The following NEO1 variants were observed in gnomAD, a reference collection of about 807,000 sequenced individuals.
NEO1 encodes the protein neogenin 1.
NEO1 carries 63 observed loss-of-function variants against 159.7 expected under a neutral mutation model. That is an observed-to-expected ratio of 0.39 (90% confidence interval 0.32 to 0.49). The LOEUF (loss-of-function observed/expected upper bound fraction) is 0.49. Ranked by LOEUF, NEO1 falls within the 20% of genes least tolerant of loss-of-function variation. The pLI is 0.85. For synonymous variants in NEO1, 633 were observed against 662.0 expected (o/e 0.96, Z 0.67); for missense variants, 1,615 against 1,831.0 (o/e 0.88, Z 2.15).
rs774670599 is a variant in NEO1 at position 73,254,793 on chromosome 15, T to C, written c.2056T>C (p.Leu686=). ...CCGAAAGAGTGATGTCACTGAGACC[T>C]TGGTAAGCGGGACACAGCTGTCTCA... ...ASRKSDVTET[L]VSGTQLSQLI... is the part of the protein sequence containing the mutation. Residue 686 remains leucine, a synonymous_variant, in exon 13 of 29, where the codon TTG becomes CTG. Coordinates refer to ENST00000261908, the MANE Select transcript of NEO1 (RefSeq NM_002499.4). The C allele has an allele frequency of 1.1e-5, 18 of 1,613,956 alleles. No individual in the cohort carries two copies. The highest frequency in any genetic ancestry group is 1.4e-5 in the Non-Finnish European group (17 of 1,179,988).
chr15:73,223,374 T>G (rs2038397843), intron 7 of NEO1, among the ~76,000 whole-genome samples: 1 of 152,232 alleles, frequency 6.6e-6, no homozygotes, highest in Admixed American at 6.5e-5. Flanking sequence ...GTGCTGTCAG[T>G]GGAGTATTGA....
At position 73,302,993 on chromosome 15, in the gene NEO1, A is replaced by T; in HGVS notation, c.*297A>T. On this transcript the variant is annotated 3_prime_UTR_variant, in exon 29 of 29. Coordinates refer to ENST00000261908, the MANE Select transcript of NEO1 (RefSeq NM_002499.4). ...GGAAGAGGCGAGAAGTGCAACCTGC[A>T]TTTCACTTTGTGGTCAGGCCGTGTC... is the stretch of plus-strand genomic sequence containing the variant. 3.0e-6 allele frequency: 1 copy of T among 330,428 alleles called. No homozygotes were observed. The highest frequency in any genetic ancestry group is 4.6e-5 in the South Asian group (1 of 21,710). 20.5% of individuals were successfully genotyped at this position (330,428 alleles called of 1,614,324 possible). A position where few individuals can be genotyped will look rare whatever the true frequency, so the allele number is the denominator to read the frequency against.
intron 23 of NEO1, 113 bp downstream of exon 23, chr15:73,283,224 G>C: frequency 8.0e-7 from 1 of 1,248,730 alleles, no homozygotes; most frequent in South Asian, 1.5e-5. Context: ...ACATGAAAAG[G>C]AATTTAAGAT....
At chr15:73,286,973 A>C (rs1303682379) in intron 23 of NEO1, among the ~76,000 whole-genome samples, 1 of 152,178 alleles carries the variant, frequency 6.6e-6, no homozygotes, top group Non-Finnish European at 1.5e-5. Context: ...AGCTGGTATA[A>C]AGTTTTAACT....
intron 8 of NEO1, among the ~76,000 whole-genome samples, chr15:73,237,088 C>A (rs542380771): frequency 6.6e-6 from 1 of 152,168 alleles, no homozygotes; most frequent in African/African-American, 2.4e-5. Flanking sequence ...ATGTAACTGA[C>A]TTTCTAGTGA....
At chr15:73,253,653 T>TA (rs2040196584) in intron 12 of NEO1, among the ~76,000 whole-genome samples, 1 of 152,192 alleles carries the variant, frequency 6.6e-6, no homozygotes, top group African/African-American at 2.4e-5. Flanking sequence ...ACATAGATAT[T>TA]ACACTTGCAT....
intron 7 of NEO1, among the ~76,000 whole-genome samples, chr15:73,183,937 C>T (rs1470422473): frequency 6.6e-6 from 1 of 152,046 alleles, no homozygotes; most frequent in African/African-American, 2.4e-5. Context: ...GAAAAATAAG[C>T]ATACCATTTT....
At chr15:73,078,773 G>C (rs1054738519) in intron 1 of NEO1, among the ~76,000 whole-genome samples, 3 of 152,182 alleles carry the variant, frequency 2.0e-5, no homozygotes, top group Non-Finnish European at 4.4e-5. Flanking sequence ...TAAGGTCTTG[G>C]GGACCTTAGG....
intron 22 of NEO1, among the ~76,000 whole-genome samples, chr15:73,281,195 G>A (rs1229371726): frequency 8.6e-6 from 1 of 115,654 alleles, no homozygotes; most frequent in Non-Finnish European, 2.0e-5. Context: ...ACGACAGAGC[G>A]AGACTCAAAA....
rs569270750 is a variant in NEO1, at chr15:73,100,377, C to T, written c.131-16163C>T. 1.5e-3 allele frequency among the ~76,000 whole-genome samples: 228 copies of T among 151,708 alleles called. 1 individual carries two copies. Among genetic ancestry groups the T allele is most frequent in the African/African-American group, 5.3e-3 (218 of 41,312 alleles). On this transcript the variant is annotated intron_variant, in intron 1 of 28. Coordinates refer to ENST00000261908, the MANE Select transcript of NEO1 (RefSeq NM_002499.4). Reference sequence around the variant, plus strand: ...TGAGATGGAATCTCACTCTGTTGCCCAGGCTGGAGTGCAATGGTATAATCT... The same window carrying T: ...TGAGATGGAATCTCACTCTGTTGCCTAGGCTGGAGTGCAATGGTATAATCT...
At chr15:73,255,742 C>T (rs1024478097) in intron 13 of NEO1, 1 of 152,310 alleles carries the variant, frequency 6.6e-6, no homozygotes, top group Non-Finnish European at 1.5e-5. Flanking sequence ...CACCATCACC[C>T]TACCTCTGTC....
rs1221545198 is a variant in NEO1 at position 73,168,860 on chromosome 15, GGTTTTTATTT to G, written c.1016-7529_1016-7520del. Among the ~76,000 whole-genome samples the G allele has an allele frequency of 7.9e-5, 12 of 151,238 alleles. No individual in the cohort carries two copies. In the South Asian group the frequency reaches 8.4e-4, roughly 11 times the overall value. On this transcript the variant is annotated intron_variant, in intron 5 of 28. Coordinates refer to ENST00000261908, the MANE Select transcript of NEO1 (RefSeq NM_002499.4). ...AGGGATTTCACACTGTTAAATGCTT[GGTTTTTATTT>G]GTTTTTATTTGTTGGGTTTTTTTTT...
intron 3 of NEO1, among the ~76,000 whole-genome samples, chr15:73,125,916 T>G (rs77189985): frequency 0.044 from 6,660 of 152,214 alleles, 199 homozygotes; most frequent in Admixed American, 0.078. Flanking sequence ...GAGAATGCCA[T>G]GGGTCCTGAG....
At chr15:73,088,983 A>G (rs939620225) in intron 1 of NEO1, among the ~76,000 whole-genome samples, 3 of 152,120 alleles carry the variant, frequency 2.0e-5, no homozygotes, top group Admixed American at 1.3e-4. Flanking sequence ...GAAGGAAGAG[A>G]TTCAGATTTG....
chr15:73,167,239 C>T (rs916971624), intron 5 of NEO1, among the ~76,000 whole-genome samples: 31 of 149,592 alleles, frequency 2.1e-4, no homozygotes, highest in Admixed American at 1.3e-3. Flanking sequence ...CAAACCTGCA[C>T]GTTGTGCACA....
chr15:73,175,178 G>A (rs1212826045), intron 5 of NEO1, among the ~76,000 whole-genome samples: 2 of 152,144 alleles, frequency 1.3e-5, no homozygotes, highest in Non-Finnish European at 2.9e-5. Flanking sequence ...TGTCTATGTA[G>A]ATAATCCCCA....
chr15:73,060,690 C>T (rs2067932908), intron 1 of NEO1, among the ~76,000 whole-genome samples: 1 of 152,056 alleles, frequency 6.6e-6, no homozygotes, highest in Non-Finnish European at 1.5e-5. Context: ...CTCTATCACC[C>T]AGGCTGGAGT....
intron 8 of NEO1, among the ~76,000 whole-genome samples, chr15:73,241,179 T>C (rs1008872319): frequency 6.6e-6 from 1 of 152,180 alleles, no homozygotes; most frequent in African/African-American, 2.4e-5. Context: ...GAAAATTTCA[T>C]CTTTCTTAAA....
intron 7 of NEO1, among the ~76,000 whole-genome samples, chr15:73,186,177 A>T (rs1051730566): frequency 6.6e-6 from 1 of 151,992 alleles, no homozygotes; most frequent in African/African-American, 2.4e-5. Flanking sequence ...CCAGAAAAAA[A>T]AAAAAATGTG....
Sources: allele counts gnomAD v4.1 joint callset (sites outside exome capture counted in the v4.1 genomes callset), GRCh38; gene constraint gnomAD v4.1.1; transcripts MANE v1.5; gene names NCBI Gene and HGNC (gene_info 2026-07-23, HGNC 2026-07-21).